Variants in BMERB1 observed in about 807,000 individuals in gnomAD.
The protein encoded by BMERB1 is bMERB domain containing 1.
Under a neutral mutation model 23.6 loss-of-function variants are expected in BMERB1, and 12 were observed. The ratio of observed to expected loss-of-function variants is 0.51; its 90% CI spans 0.33 to 0.82. The LOEUF is 0.82. Ranked by LOEUF, BMERB1 falls within the 40% of genes least tolerant of loss-of-function variation. BMERB1 has a pLI of 0.03. For synonymous variants in BMERB1, 122 were observed against 96.6 expected (o/e 1.26, Z -1.54); for missense variants, 247 against 255.4 (o/e 0.97, Z 0.22).
At chr16:15,446,914 T>G (rs959462154) in intron 1 of BMERB1, among the ~76,000 whole-genome samples, 1 of 152,142 alleles carries the variant, frequency 6.6e-6, no homozygotes, top group Admixed American at 6.5e-5. Flanking sequence ...TTTTGAAGAC[T>G]TGTAGCTTCA....
intron 1 of BMERB1, among the ~76,000 whole-genome samples, chr16:15,464,449 C>T (rs1417460470): frequency 6.6e-6 from 1 of 151,962 alleles, no homozygotes; most frequent in Non-Finnish European, 1.5e-5. Context: ...ATAGAGAGAC[C>T]CTGTCTCTAA....
intron 1 of BMERB1, among the ~76,000 whole-genome samples, chr16:15,463,556 G>C (rs536405064): frequency 6.6e-6 from 1 of 152,116 alleles, no homozygotes; most frequent in South Asian, 2.1e-4. Context: ...CCCTTGCCTC[G>C]TCGTTTGACT....
intron 2 of BMERB1, among the ~76,000 whole-genome samples, chr16:15,543,011 C>T (rs1042477657): frequency 7.9e-5 from 12 of 152,164 alleles, no homozygotes; most frequent in Admixed American, 6.5e-5. Flanking sequence ...ACCCTGCCCT[C>T]TTGGTACCTG....
At chr16:15,438,434 T>A (rs774421855) in intron 1 of BMERB1, among the ~76,000 whole-genome samples, 2 of 150,804 alleles carry the variant, frequency 1.3e-5, no homozygotes, top group Non-Finnish European at 2.9e-5. Flanking sequence ...CTTTTGAAAC[T>A]TGAATCTGGC....
At position 15,573,788 on chromosome 16, in the gene BMERB1, G is replaced by A. The variant is rs185503621; in HGVS notation, c.304+5732G>A. Among the ~76,000 whole-genome samples, 40 of 151,712 alleles carry A rather than the reference G, an allele frequency of 2.6e-4. No individual in the cohort carries two copies. The East Asian group carries it at 7.4e-3, about 28-fold the overall frequency. ...AGAACTGCCCAAGACTGGGTATAACGGAAAGAGGTTTCATTGACTCACAGT... is the reference window on the plus strand; with the variant it reads ...AGAACTGCCCAAGACTGGGTATAACAGAAAGAGGTTTCATTGACTCACAGT... On this transcript the variant is annotated intron_variant, in intron 3 of 5. Transcript: ENST00000300006.
chr16:15,505,430 G>A (rs1428587739), intron 1 of BMERB1, among the ~76,000 whole-genome samples: 1 of 152,164 alleles, frequency 6.6e-6, no homozygotes, highest in African/African-American at 2.4e-5. Context: ...GAAAATTCAA[G>A]CTTCATTCTG....
intron 1 of BMERB1, among the ~76,000 whole-genome samples, chr16:15,473,417 A>G (rs2051247711): frequency 6.6e-6 from 1 of 151,072 alleles, no homozygotes; most frequent in Admixed American, 6.6e-5. Context: ...CAGCCTCCTG[A>G]GTAGCTGGGA....
Position 15,434,601 on chromosome 16 carries a change from G to T in BMERB1, c.-53G>T. ...GGAGCCACCTCCCTCCCTGCAGCCCGCAACGGGAATGGAGTAAAGGGAGAC... is the reference window on the plus strand; with the variant it reads ...GGAGCCACCTCCCTCCCTGCAGCCCTCAACGGGAATGGAGTAAAGGGAGAC... On this transcript the variant is annotated 5_prime_UTR_variant, in exon 1 of 6. Coordinates refer to ENST00000300006, the MANE Select transcript of BMERB1 (RefSeq NM_033201.3). The T allele has an allele frequency of 6.5e-7, 1 of 1,542,414 alleles. No homozygotes were observed. Among genetic ancestry groups the T allele is most frequent in the Admixed American group, 1.7e-5 (1 of 59,668 alleles).
chr16:15,506,029 G>A (rs760220630), intron 1 of BMERB1, among the ~76,000 whole-genome samples: 8 of 151,994 alleles, frequency 5.3e-5, no homozygotes, highest in Non-Finnish European at 1.2e-4. Flanking sequence ...TTAGAGCATG[G>A]GCATTGGGAT....
intron 4 of BMERB1, among the ~76,000 whole-genome samples, chr16:15,581,774 G>T (rs2031020585): frequency 6.6e-6 from 1 of 152,146 alleles, no homozygotes. Context: ...CCTTTTCTAA[G>T]TATCAGGGTC....
chr16:15,472,712 A>G (rs2051240445), intron 1 of BMERB1, among the ~76,000 whole-genome samples: 1 of 152,182 alleles, frequency 6.6e-6, no homozygotes, highest in Middle Eastern at 3.4e-3. Context: ...CTTTAAACTG[A>G]TATATTTAGA....
chr16:15,451,552 C>CTTTTTT (rs35544766), intron 1 of BMERB1, among the ~76,000 whole-genome samples: 16 of 84,020 alleles, frequency 1.9e-4, no homozygotes, highest in South Asian at 4.2e-4. Context: ...CTTAGTATTT[C>CTTTTTT]TTTTTTTTTT....
In BMERB1 at chr16:15,549,455, C is replaced by T. The variant is rs997101992; in HGVS notation, c.231-18528C>T. Among the ~76,000 whole-genome samples the T allele has an allele frequency of 2.0e-5, 3 of 151,654 alleles. No individual in the cohort carries two copies. In the East Asian group the frequency reaches 5.8e-4, roughly 29 times the overall value. ...CAGCACTTTGGGAGGCAGAGGCAGG[C>T]GGATCACTAGGTCAAGAGATGGAGT... On this transcript the variant is annotated intron_variant, in intron 2 of 5. Transcript: ENST00000300006.
At chr16:15,577,955 C>CT (rs2030911747) in intron 3 of BMERB1, among the ~76,000 whole-genome samples, 1 of 152,222 alleles carries the variant, frequency 6.6e-6, no homozygotes, top group Admixed American at 6.5e-5. Context: ...TGTTTTCTGT[C>CT]TGTTGGGAGA....
rs186993323 is a variant in BMERB1, at chr16:15,528,648, G to A, written c.230+13220G>A. Among the ~76,000 whole-genome samples, 29 of 150,858 alleles carry A rather than the reference G, an allele frequency of 1.9e-4. No individual in the cohort carries two copies. The East Asian group carries it at 4.9e-3, about 26-fold the overall frequency. ...CGATACACACACCAGGTCCCCTCCT[G>A]CCGTGGGGGCCTTTTTGTTTGTGAT... On this transcript the variant is annotated intron_variant, in intron 2 of 5. Coordinates refer to ENST00000300006, the MANE Select transcript of BMERB1 (RefSeq NM_033201.3).
chr16:15,575,050 G>A (rs935685520), intron 3 of BMERB1, among the ~76,000 whole-genome samples: 22 of 152,138 alleles, frequency 1.4e-4, no homozygotes, highest in African/African-American at 5.3e-4. Context: ...CTGCACTCCA[G>A]CCTGGGCGAC....
chr16:15,485,563 C>G (rs556446965), intron 1 of BMERB1, among the ~76,000 whole-genome samples: 1 of 152,140 alleles, frequency 6.6e-6, no homozygotes, highest in Non-Finnish European at 1.5e-5. Flanking sequence ...GGAAATTATG[C>G]AGCCACATTT....
At chr16:15,518,576 G>A (rs1305262962) in intron 2 of BMERB1, among the ~76,000 whole-genome samples, 1 of 152,214 alleles carries the variant, frequency 6.6e-6, no homozygotes, top group Non-Finnish European at 1.5e-5. Flanking sequence ...TTGAGCCAAG[G>A]CCCTGCTTGA....
intron 3 of BMERB1, among the ~76,000 whole-genome samples, chr16:15,572,689 T>G (rs1205222753): frequency 6.6e-6 from 1 of 152,228 alleles, no homozygotes; most frequent in Non-Finnish European, 1.5e-5. Flanking sequence ...TCTGGCATTG[T>G]TGGCTTTGGA....
Sources: allele counts gnomAD v4.1 joint callset (sites outside exome capture counted in the v4.1 genomes callset), GRCh38; gene constraint gnomAD v4.1.1; transcripts MANE v1.5; gene names NCBI Gene and HGNC (gene_info 2026-07-23, HGNC 2026-07-21).